Variants in TRA2B observed in about 807,000 individuals in gnomAD.
The protein encoded by TRA2B is transformer-2 protein homolog beta.
Under a neutral mutation model 41.7 loss-of-function variants are expected in TRA2B, and 14 were observed. The ratio of observed to expected loss-of-function variants is 0.34; its 90% confidence interval spans 0.22 to 0.53. The LOEUF is 0.53. TRA2B is among the 20% of genes least tolerant of loss of function. The pLI, the probability that TRA2B is intolerant of heterozygous loss-of-function variation, is 0.95. For missense variants in TRA2B, 167 were observed against 396.8 expected (o/e 0.42, Z 4.92); for synonymous variants, 130 against 128.8 (o/e 1.01, Z -0.06).
rs926080024 is a variant in TRA2B at position 185,936,390 on chromosome 3, G to A, written c.36+1435C>T. On this transcript the variant is annotated intron_variant, in intron 1 of 8. Transcript: ENST00000453386. ...AATCTAAAACACTCGTGACATTGGA[G>A]TCAATCGGCTTCGGGAAAAACATCA... 1.4e-5 allele frequency: 14 copies of A among 985,250 alleles called. No individual in the cohort carries two copies. The African/African-American group carries it at 2.4e-4, about 17-fold the overall frequency. The allele number at this position is 985,250 out of a possible 1,614,324, so 61.0% of individuals were successfully genotyped here. A position where few individuals can be genotyped will look rare whatever the true frequency, so the allele number is the denominator to read the frequency against.
intron 2 of TRA2B, among the ~76,000 whole-genome samples, chr3:185,925,937 C>T (rs747719041): frequency 2.6e-5 from 4 of 152,156 alleles, no homozygotes; most frequent in Non-Finnish European, 5.9e-5. Context: ...CTCAGAAGAC[C>T]ATTCTCTACT....
intron 1 of TRA2B, among the ~76,000 whole-genome samples, chr3:185,930,162 TCCTTTAG>T (rs1744095661): frequency 6.6e-6 from 1 of 152,178 alleles, no homozygotes; most frequent in African/African-American, 2.4e-5. Context: ...TTGCTTTCTT[TCCTTTAG>T]TGGGCTGGGG....
At chr3:185,928,453 A>G (rs1465241594) in intron 1 of TRA2B, 1 of 152,200 alleles carries the variant, frequency 6.6e-6, no homozygotes, top group Non-Finnish European at 1.5e-5. Flanking sequence ...ACATCAAGAA[A>G]TGGTTAAAGG....
chr3:185,925,666 A>C, intron 2 of TRA2B, 40 bp from the exon 3 acceptor site: 88 of 1,577,270 alleles, frequency 5.6e-5, no homozygotes, highest in Non-Finnish European at 7.6e-5. Flanking sequence ...ACTGAAAACA[A>C]ATATTGTCTT....
intron 8 of TRA2B, 30 bp downstream of exon 8, chr3:185,918,335 A>T: frequency 6.5e-7 from 1 of 1,546,260 alleles, no homozygotes; most frequent in Non-Finnish European, 8.9e-7. Context: ...ATACTACAAT[A>T]TAAACAATCA....
At chr3:185,932,928 G>C (rs1479764435) in intron 1 of TRA2B, among the ~76,000 whole-genome samples, 1 of 152,136 alleles carries the variant, frequency 6.6e-6, no homozygotes, top group Admixed American at 6.5e-5. Context: ...TCGTTAATCT[G>C]GCAAGTGCTG....
intron 1 of TRA2B, chr3:185,927,729 G>C (rs1744005940): frequency 6.6e-6 from 1 of 152,112 alleles, no homozygotes; most frequent in South Asian, 2.1e-4. Context: ...AGGATAACTA[G>C]GTCACCAACG....
intron 1 of TRA2B, chr3:185,936,571 T>G (rs1328659924): frequency 7.1e-6 from 7 of 985,280 alleles, no homozygotes; most frequent in Middle Eastern, 1.0e-3. Flanking sequence ...ATATAAAATC[T>G]TAATCAAAAG....
intron 6 of TRA2B, among the ~76,000 whole-genome samples, chr3:185,920,648 G>A (rs557403501): frequency 3.3e-5 from 5 of 151,754 alleles, no homozygotes; most frequent in Non-Finnish European, 7.4e-5. Context: ...TCTGCCTGCC[G>A]GGTTCAAGCA....
intron 2 of TRA2B, among the ~76,000 whole-genome samples, chr3:185,925,835 C>T (rs1219198567): frequency 6.6e-6 from 1 of 152,214 alleles, no homozygotes; most frequent in Non-Finnish European, 1.5e-5. Flanking sequence ...AGCTCTCCTC[C>T]AGTATTTCTT....
At chr3:185,925,336 A>C (rs968391416) in intron 3 of TRA2B, 128 bp downstream of exon 3, 3 of 1,118,384 alleles carry the variant, frequency 2.7e-6, no homozygotes, top group Non-Finnish European at 3.7e-6. Flanking sequence ...CTCTCAAAAC[A>C]CTAAAAAAGC....
In TRA2B at chr3:185,915,751, T is replaced by C. The variant is rs557881814; in HGVS notation, c.*1964A>G. 5.9e-5 allele frequency among the ~76,000 whole-genome samples: 9 copies of C among 152,152 alleles called. No individual in the cohort carries two copies. Among genetic ancestry groups the C allele is most frequent in the Non-Finnish European group, 1.2e-4 (8 of 68,022 alleles). ...ACAACTAAAGGGCTAAAACTCAGGC[T>C]TTAGGATAGAAACCGAGGGTTATGT... On this transcript the variant is annotated 3_prime_UTR_variant, in exon 9 of 9. Transcript: ENST00000453386.
chr3:185,931,906 C>A, intron 1 of TRA2B: 3 of 1,246,802 alleles, frequency 2.4e-6, no homozygotes, highest in Non-Finnish European at 3.1e-6. Context: ...GGATAAAATC[C>A]AGTGCCAAAA....
intron 4 of TRA2B, chr3:185,922,838 G>C (rs1743792545): frequency 6.6e-6 from 1 of 152,188 alleles, no homozygotes; most frequent in Admixed American, 6.5e-5. Context: ...CACCTAAATA[G>C]AATTTAAGTT....
chr3:185,917,613 A>G lies in TRA2B; in HGVS notation c.*102T>C. ...TCGTAAAAGGTGTAAAAGTCACCTA[A>G]CTTCACTAGGCACTGTTCACTTTTT... On this transcript the variant is annotated 3_prime_UTR_variant, in exon 9 of 9. Transcript: ENST00000453386. 4 of 1,301,942 alleles carry G rather than the reference A, an allele frequency of 3.1e-6. No homozygotes were observed. The South Asian group carries it at 5.2e-5, about 17-fold the overall frequency. The allele number at this position is 1,301,942 out of a possible 1,614,324, so 80.6% of individuals were successfully genotyped here.
intron 8 of TRA2B, 123 bp from the exon 9 acceptor site, chr3:185,917,848 C>T (rs1325222371): frequency 1.0e-5 from 9 of 892,234 alleles, no homozygotes; most frequent in Admixed American, 9.8e-5. Context: ...ACCCCACCAC[C>T]CCCAAATAGA....
chr3:185,921,361 C>T lies in TRA2B; in HGVS notation c.639-174G>A, dbSNP rs112950728. Among the ~76,000 whole-genome samples the T allele has an allele frequency of 9.9e-5, 15 of 152,240 alleles. 1 individual carries two copies. The highest frequency in any genetic ancestry group is 3.1e-4 in the African/African-American group (13 of 41,524). ...TTCCCTTGTTTCAATATATATAAAC[C>T]TATTTTTAAAAATCTTTGGTTAAGG... On this transcript the variant is annotated intron_variant, in intron 5 of 8. Coordinates refer to ENST00000453386, the MANE Select transcript of TRA2B (RefSeq NM_004593.3).
chr3:185,934,667 C>G (rs1744279891), intron 1 of TRA2B: 2 of 985,118 alleles, frequency 2.0e-6, no homozygotes, highest in African/African-American at 3.5e-5. Context: ...GAAGTAGATT[C>G]AGAGATGTTT....
At chr3:185,931,247 G>A (rs1219343288) in intron 1 of TRA2B, among the ~76,000 whole-genome samples, 2 of 152,108 alleles carry the variant, frequency 1.3e-5, no homozygotes, top group Non-Finnish European at 2.9e-5. Flanking sequence ...CCAGGGAGGT[G>A]GCAAAGACCA....
Sources: allele counts gnomAD v4.1 joint callset (sites outside exome capture counted in the v4.1 genomes callset), GRCh38; gene constraint gnomAD v4.1.1; transcripts MANE v1.5; gene names NCBI Gene and HGNC (gene_info 2026-07-23, HGNC 2026-07-21).